The following CENPW variants were observed in gnomAD, a reference collection of about 807,000 sequenced individuals.
CENPW encodes the protein cancer-up-regulated gene 2 protein.
A neutral mutation model predicts 11.1 loss-of-function variants in CENPW; 3 were observed. The ratio of observed to expected loss-of-function variants is 0.27; its 90% CI spans 0.12 to 0.70. The LOEUF is 0.70. Among genes scored for constraint, CENPW ranks in the 30% least tolerant of loss-of-function variants. The pLI is 0.77. For missense variants in CENPW, 100 were observed against 105.6 expected (o/e 0.95, Z 0.23); for synonymous variants, 38 against 42.0 (o/e 0.91, Z 0.37).
At chr6:126,393,073 T>C in the CENPW span, among the ~76,000 whole-genome samples, 1 of 152,112 alleles carries the variant, frequency 6.6e-6, no homozygotes, top group East Asian at 1.9e-4. Context: ...TTCCAATGTA[T>C]TGGTATATTG....
the CENPW span, among the ~76,000 whole-genome samples, chr6:126,460,905 C>G: frequency 6.6e-6 from 1 of 151,800 alleles, no homozygotes; most frequent in African/African-American, 2.4e-5. Context: ...AAAGTTTAGT[C>G]AAGGAGAAAG....
the CENPW span, among the ~76,000 whole-genome samples, chr6:126,415,006 T>A: frequency 6.6e-6 from 1 of 151,752 alleles, no homozygotes; most frequent in African/African-American, 2.4e-5. Context: ...ATGAAAAAAA[T>A]CCCTGGATAT....
chr6:126,408,768 G>T, the CENPW span, among the ~76,000 whole-genome samples: 10 of 151,888 alleles, frequency 6.6e-5, no homozygotes, highest in African/African-American at 2.4e-4. Context: ...TTGTTGTATG[G>T]TTATTCATAG....
chr6:126,456,124 A>G, the CENPW span, among the ~76,000 whole-genome samples: 4 of 151,442 alleles, frequency 2.6e-5, no homozygotes, highest in Non-Finnish European at 4.4e-5. Flanking sequence ...TAAAATGGCC[A>G]TATTTCCCAA....
chr6:126,465,477 C>T, the CENPW span, among the ~76,000 whole-genome samples: 1 of 151,782 alleles, frequency 6.6e-6, no homozygotes, highest in African/African-American at 2.4e-5. Context: ...TAGCATAATC[C>T]CAATCAAAAT....
At chr6:126,365,008 A>T in the CENPW span, among the ~76,000 whole-genome samples, 1 of 152,200 alleles carries the variant, frequency 6.6e-6, no homozygotes, top group South Asian at 2.1e-4. Flanking sequence ...ACATGCTCAA[A>T]ATTGCACATG....
chr6:126,366,823 G>A, the CENPW span, among the ~76,000 whole-genome samples: 498 of 152,314 alleles, frequency 3.3e-3, 2 homozygotes, highest in African/African-American at 0.011. Context: ...AGGCTGGGAA[G>A]TTCAAGGTTG....
the CENPW span, among the ~76,000 whole-genome samples, chr6:126,400,616 C>G: frequency 3.3e-5 from 5 of 152,126 alleles, no homozygotes; most frequent in Admixed American, 3.3e-4. Context: ...ATTATCTCTT[C>G]AAATATTCTT....
At chr6:126,442,853 G>A in the CENPW span, among the ~76,000 whole-genome samples, 1 of 151,188 alleles carries the variant, frequency 6.6e-6, no homozygotes, top group Non-Finnish European at 1.5e-5. Flanking sequence ...AAATGACAGG[G>A]TTGGGGCCAA....
the CENPW span, among the ~76,000 whole-genome samples, chr6:126,466,871 A>T: frequency 6.6e-6 from 1 of 152,022 alleles, no homozygotes; most frequent in Non-Finnish European, 1.5e-5. Flanking sequence ...CAAATCAGGA[A>T]CTCAATCATA....
chr6:126,417,506 A>G, the CENPW span, among the ~76,000 whole-genome samples: 6 of 152,160 alleles, frequency 3.9e-5, no homozygotes, highest in African/African-American at 7.2e-5. Context: ...TCTCATCTTA[A>G]ATTCCCACAT....
At chr6:126,421,109 T>C in the CENPW span, among the ~76,000 whole-genome samples, 1 of 152,128 alleles carries the variant, frequency 6.6e-6, no homozygotes, top group Non-Finnish European at 1.5e-5. Flanking sequence ...TTCTCTTAAC[T>C]TTCTGTTACT....
At chr6:126,392,321 G>T in the CENPW span, among the ~76,000 whole-genome samples, 4 of 151,658 alleles carry the variant, frequency 2.6e-5, no homozygotes, top group Non-Finnish European at 4.4e-5. Flanking sequence ...CAAATTGTTT[G>T]CAGTTGGCAT....
At chr6:126,471,247 G>A in the CENPW span, among the ~76,000 whole-genome samples, 6 of 152,098 alleles carry the variant, frequency 3.9e-5, no homozygotes, top group African/African-American at 1.4e-4. Flanking sequence ...ATGATAGTGA[G>A]GTAGTTCTCA....
chr6:126,396,260 C>T, the CENPW span, among the ~76,000 whole-genome samples: 1 of 152,068 alleles, frequency 6.6e-6, no homozygotes, highest in Non-Finnish European at 1.5e-5. Context: ...AGACAGAATC[C>T]TTCCCACTCT....
the CENPW span, among the ~76,000 whole-genome samples, chr6:126,374,211 CAG>C: frequency 6.6e-6 from 1 of 152,118 alleles, no homozygotes; most frequent in African/African-American, 2.4e-5. Context: ...AATAGTTTAT[CAG>C]AGCTAGTATT....
chr6:126,414,119 A>G, the CENPW span, among the ~76,000 whole-genome samples: 1 of 152,046 alleles, frequency 6.6e-6, no homozygotes, highest in African/African-American at 2.4e-5. Context: ...AATACAATAT[A>G]TCAATTGTGA....
chr6:126,376,816 T>G, the CENPW span, among the ~76,000 whole-genome samples: 2 of 152,094 alleles, frequency 1.3e-5, no homozygotes, highest in Non-Finnish European at 2.9e-5. Context: ...TGCCATTGAT[T>G]GATAAAAGGA....
chr6:126,455,846 G>C, the CENPW span, among the ~76,000 whole-genome samples: 1 of 150,892 alleles, frequency 6.6e-6, no homozygotes, highest in African/African-American at 2.4e-5. Context: ...GAAACTCCTA[G>C]ATCTGATTAA....
Sources: gnomAD v4.1 joint callset for allele counts (sites outside exome capture counted in the v4.1 genomes callset) on GRCh38, gnomAD v4.1.1 for gene constraint, MANE v1.5 for transcripts, NCBI Gene and HGNC (gene_info 2026-07-23, HGNC 2026-07-21) for gene names.